The following RANBP2 variants were observed in gnomAD, a reference collection of about 807,000 sequenced individuals.
RANBP2 encodes the protein E3 SUMO-protein ligase RanBP2.
A neutral mutation model predicts 303.6 loss-of-function variants in RANBP2; 57 were observed. The observed-to-expected ratio is 0.19, with a 90% CI of 0.15 to 0.23. The LOEUF is 0.23. Among genes scored for constraint, RANBP2 ranks in the 10% least tolerant of loss-of-function variants. The pLI is 1.00. For synonymous variants in RANBP2, 1,167 were observed against 1,301.5 expected (o/e 0.90, Z 2.23); for missense variants, 3,138 against 3,780.8 (o/e 0.83, Z 4.46).
At chr2:109,483,872 T>C in the RANBP2 span, among the ~76,000 whole-genome samples, 8 of 152,224 alleles carry the variant, frequency 5.3e-5, no homozygotes, top group South Asian at 1.7e-3. Context: ...CTTAGCTGGC[T>C]TGGCTCCTCA....
At chr2:108,763,196 T>C (rs760287281) in intron 19 of RANBP2, 41 bp from the exon 20 acceptor site, 1 of 1,604,678 alleles carries the variant, frequency 6.2e-7, no homozygotes. Flanking sequence ...TCTGTAGTTT[T>C]GTAGACAATC....
chr2:109,358,461 TA>T, the RANBP2 span, among the ~76,000 whole-genome samples: 1 of 152,252 alleles, frequency 6.6e-6, no homozygotes, highest in Admixed American at 6.5e-5. Flanking sequence ...CCTAGTTTTG[TA>T]AGAAATTTCC....
At chr2:109,436,896 G>A in the RANBP2 span, 1 of 1,613,062 alleles carries the variant, frequency 6.2e-7, no homozygotes. Context: ...TCCACAGGGT[G>A]CCTGCAGGAG....
At chr2:109,533,929 TC>T in the RANBP2 span, among the ~76,000 whole-genome samples, 6 of 152,174 alleles carry the variant, frequency 3.9e-5, no homozygotes, top group African/African-American at 1.4e-4. Flanking sequence ...GCACTGAAAC[TC>T]ACACTGCCTG....
the RANBP2 span, among the ~76,000 whole-genome samples, chr2:109,562,958 T>A: frequency 6.6e-6 from 1 of 152,054 alleles, no homozygotes; most frequent in African/African-American, 2.4e-5. Flanking sequence ...TTGCCCAGGT[T>A]GGAGTGCAGT....
chr2:108,748,628 C>A (rs1305365141), intron 8 of RANBP2, among the ~76,000 whole-genome samples: 1 of 152,180 alleles, frequency 6.6e-6, no homozygotes, highest in African/African-American at 2.4e-5. Context: ...CCTATGGCCA[C>A]TTAAATCCAG....
the RANBP2 span, among the ~76,000 whole-genome samples, chr2:109,088,090 T>TC: frequency 6.6e-6 from 1 of 152,044 alleles, no homozygotes; most frequent in Non-Finnish European, 1.5e-5. Context: ...TGGTGAAACC[T>TC]CGTCTCTACT....
the RANBP2 span, among the ~76,000 whole-genome samples, chr2:109,294,662 C>G: frequency 6.3e-3 from 955 of 152,170 alleles, 10 homozygotes; most frequent in African/African-American, 0.021. Flanking sequence ...GCTTGAGCAC[C>G]CTGCTGGGTG....
At chr2:109,562,187 T>C in the RANBP2 span, among the ~76,000 whole-genome samples, 1 of 151,988 alleles carries the variant, frequency 6.6e-6, no homozygotes, top group African/African-American at 2.4e-5. Context: ...AACTCCAGCC[T>C]GGGCAACACA....
the RANBP2 span, chr2:109,737,327 T>C: frequency 4.4e-6 from 3 of 685,614 alleles, no homozygotes; most frequent in Non-Finnish European, 8.0e-6. Context: ...TTGCTCTTGC[T>C]CCTTTTGACG....
chr2:109,612,832 A>T, the RANBP2 span, among the ~76,000 whole-genome samples: 14 of 152,292 alleles, frequency 9.2e-5, no homozygotes, highest in East Asian at 2.5e-3. Context: ...AGGGAGAAAA[A>T]TCTTTGTCCA....
chr2:109,103,757 G>A, the RANBP2 span, among the ~76,000 whole-genome samples: 1 of 151,944 alleles, frequency 6.6e-6, no homozygotes, highest in Non-Finnish European at 1.5e-5. Context: ...GAAGGGGAAA[G>A]ATCTAGTTAT....
the RANBP2 span, among the ~76,000 whole-genome samples, chr2:109,326,508 C>G: frequency 1.3e-5 from 2 of 152,168 alleles, no homozygotes; most frequent in Non-Finnish European, 2.9e-5. Flanking sequence ...CCGACACTTG[C>G]TGTTGCCAGA....
rs370400502 is a variant in RANBP2, at chr2:108,751,608, G to A, written c.1536G>A (p.Pro512=). The part of the protein sequence containing the change: ...KCNSHHSSYQ[P]LCLPLPVCKQ... ...ATTCTCACCACAGCTCCTATCAGCC[G>A]TTATGCCTGCCCCTTCCTGTGTGTA... The change falls in exon 11 of 29, where the codon CCG becomes CCA. Residue 512 remains proline (P), a synonymous_variant. Transcript: ENST00000283195. 3.6e-4 allele frequency: 583 copies of A among 1,610,794 alleles called. 3 individuals are homozygous for A. In the African/African-American group the frequency reaches 6.3e-3, roughly 17 times the overall value.
the RANBP2 span, among the ~76,000 whole-genome samples, chr2:109,151,388 TC>T: frequency 1.3e-5 from 2 of 152,172 alleles, no homozygotes; most frequent in African/African-American, 4.8e-5. Context: ...AAATAAACCA[TC>T]CTTTGATGGT....
chr2:109,647,364 G>A, the RANBP2 span, among the ~76,000 whole-genome samples: 4 of 151,738 alleles, frequency 2.6e-5, no homozygotes, highest in East Asian at 1.9e-4. Flanking sequence ...GGGTTTCACC[G>A]TGTTGGCCAA....
At chr2:108,938,923 G>A in the RANBP2 span, among the ~76,000 whole-genome samples, 2 of 151,604 alleles carry the variant, frequency 1.3e-5, no homozygotes, top group Non-Finnish European at 2.9e-5. Context: ...GCGACTACAG[G>A]CACCCGCCAC....
At chr2:109,504,339 G>A in the RANBP2 span, 1 of 152,262 alleles carries the variant, frequency 6.6e-6, no homozygotes, top group African/African-American at 2.4e-5. Context: ...ACACCGAGGG[G>A]ACAGGACTGC....
intron 18 of RANBP2, among the ~76,000 whole-genome samples, chr2:108,761,158 A>T (rs1424566366): frequency 1.3e-5 from 2 of 149,130 alleles, no homozygotes; most frequent in Non-Finnish European, 3.0e-5. Context: ...ATGCAGACAG[A>T]CATCTTGCAA....
Sources: gnomAD v4.1 joint callset for allele counts (sites outside exome capture counted in the v4.1 genomes callset) on GRCh38, gnomAD v4.1.1 for gene constraint, MANE v1.5 for transcripts, NCBI Gene and HGNC (gene_info 2026-07-23, HGNC 2026-07-21) for gene names.